Variants in PLEKHG1 observed in about 807,000 individuals in gnomAD.
The protein encoded by PLEKHG1 is pleckstrin homology domain-containing family G member 1.
PLEKHG1 carries 44 observed loss-of-function variants against 100.8 expected under a neutral mutation model. The observed-to-expected ratio is 0.44, with a 90% CI of 0.34 to 0.56. PLEKHG1 has a LOEUF of 0.56. Among genes scored for constraint, PLEKHG1 ranks in the 20% least tolerant of loss-of-function variants. The probability of loss-of-function intolerance (pLI) is 0.01; values close to 1 mark genes in which losing one functional copy is unlikely to be tolerated. For synonymous variants in PLEKHG1, 640 were observed against 662.5 expected, an observed-to-expected ratio of 0.97 and a Z score of 0.52; for missense variants, 1,545 against 1,720.9, an observed-to-expected ratio of 0.90 and a Z score of 1.81.
At chr6:150,743,450 C>T (rs138622589) in intron 2 of PLEKHG1, among the ~76,000 whole-genome samples, 4,124 of 152,162 alleles carry the variant, frequency 0.027, 77 homozygotes, top group Non-Finnish European at 0.041. Context: ...CACTTGAGCC[C>T]GGGAGGTGGA....
intron 5 of PLEKHG1, among the ~76,000 whole-genome samples, chr6:150,800,009 C>T (rs1304496284): frequency 6.6e-6 from 1 of 152,172 alleles, no homozygotes; most frequent in African/African-American, 2.4e-5. Context: ...ATCTGGGTTG[C>T]GGAAAGAATT....
chr6:150,645,783 A>G (rs1311119909), intron 2 of PLEKHG1, among the ~76,000 whole-genome samples: 1 of 152,206 alleles, frequency 6.6e-6, no homozygotes, highest in African/African-American at 2.4e-5. Context: ...ACTCTTATAC[A>G]CTATGGGTGG....
At chr6:150,627,085 C>G (rs182863485) in intron 1 of PLEKHG1, among the ~76,000 whole-genome samples, 51 of 147,038 alleles carry the variant, frequency 3.5e-4, no homozygotes, top group African/African-American at 1.3e-3. Flanking sequence ...GCTCGTGAAC[C>G]CTGTTTCAAG....
chr6:150,723,290 G>T (rs189347725), intron 1 of PLEKHG1, among the ~76,000 whole-genome samples: 1 of 152,192 alleles, frequency 6.6e-6, no homozygotes, highest in Non-Finnish European at 1.5e-5. Flanking sequence ...GACCAAAAGG[G>T]AGTATTAGGA....
intron 2 of PLEKHG1, among the ~76,000 whole-genome samples, chr6:150,757,194 GTTTTACCAT>G: frequency 6.6e-6 from 1 of 152,094 alleles, no homozygotes; most frequent in Non-Finnish European, 1.5e-5. Flanking sequence ...TAGAGACGGG[GTTTTACCAT>G]GTTGGTCAGG....
intron 1 of PLEKHG1, among the ~76,000 whole-genome samples, chr6:150,626,673 G>A (rs1333892943): frequency 1.3e-5 from 2 of 152,154 alleles, no homozygotes. Context: ...CTTTGGGGAG[G>A]TGCGTGTAAA....
chr6:150,841,083 A>T, exon 16 of PLEKHG1: 1 of 696,638 alleles, frequency 1.4e-6, no homozygotes, highest in Non-Finnish European at 2.6e-6. Flanking sequence ...GTACTGTAGC[A>T]CATGTTGGCA....
intron 1 of PLEKHG1, among the ~76,000 whole-genome samples, chr6:150,623,921 A>C (rs1378707511): frequency 6.6e-6 from 1 of 152,210 alleles, no homozygotes; most frequent in African/African-American, 2.4e-5. Context: ...ATGTGTCTTA[A>C]ATCTCCAGTT....
chr6:150,656,843 A>T (rs138676224), intron 3 of PLEKHG1, among the ~76,000 whole-genome samples: 29 of 152,320 alleles, frequency 1.9e-4, no homozygotes, highest in African/African-American at 6.5e-4. Context: ...GGAGGAGCTC[A>T]GAGAAAGACC....
At chr6:150,727,445 T>C (rs1370494717) in intron 1 of PLEKHG1, among the ~76,000 whole-genome samples, 5 of 151,966 alleles carry the variant, frequency 3.3e-5, no homozygotes, top group African/African-American at 1.2e-4. Flanking sequence ...AAGAGAGCAA[T>C]TAAAATAATG....
At chr6:150,763,790 T>C (rs1046852318) in intron 2 of PLEKHG1, among the ~76,000 whole-genome samples, 2 of 152,178 alleles carry the variant, frequency 1.3e-5, no homozygotes, top group Non-Finnish European at 2.9e-5. Flanking sequence ...ATGTACTCAT[T>C]GACTTTAACT....
At chr6:150,802,664 A>ATTTCTTTTTT (rs57482989) in intron 6 of PLEKHG1, among the ~76,000 whole-genome samples, 1 of 143,412 alleles carries the variant, frequency 7.0e-6, no homozygotes, top group African/African-American at 2.6e-5. Context: ...CATTCACATC[A>ATTTCTTTTTT]TTTTTTTTTT....
At chr6:150,764,175 T>G (rs1334158624) in intron 2 of PLEKHG1, among the ~76,000 whole-genome samples, 1 of 150,930 alleles carries the variant, frequency 6.6e-6, no homozygotes, top group Non-Finnish European at 1.5e-5. Flanking sequence ...TGGAGTGCAG[T>G]GGTGCAATCT....
intron 2 of PLEKHG1, among the ~76,000 whole-genome samples, chr6:150,639,577 C>CAGTT (rs1562401482): frequency 6.6e-6 from 1 of 150,776 alleles, no homozygotes; most frequent in Non-Finnish European, 1.5e-5. Context: ...AACAATTTTG[C>CAGTT]AGTTAGTATT....
intron 1 of PLEKHG1, among the ~76,000 whole-genome samples, chr6:150,607,178 A>G (rs1386865289): frequency 4.6e-5 from 7 of 152,134 alleles, no homozygotes; most frequent in African/African-American, 1.4e-4. Flanking sequence ...GGGATGCTGG[A>G]CCATGGTCCA....
intron 3 of PLEKHG1, among the ~76,000 whole-genome samples, chr6:150,667,810 A>G (rs1450086066): frequency 6.6e-6 from 1 of 152,238 alleles, no homozygotes; most frequent in African/African-American, 2.4e-5. Context: ...CTTTAGAACT[A>G]CAAGGGATAG....
chr6:150,665,321 G>A (rs997385502), intron 3 of PLEKHG1, among the ~76,000 whole-genome samples: 1 of 152,188 alleles, frequency 6.6e-6, no homozygotes, highest in Non-Finnish European at 1.5e-5. Flanking sequence ...CTTCCTGCCT[G>A]TATCAAGGCA....
chr6:150,610,795 A>G (rs1391927424), intron 1 of PLEKHG1, among the ~76,000 whole-genome samples: 1 of 152,236 alleles, frequency 6.6e-6, no homozygotes, highest in South Asian at 2.1e-4. Flanking sequence ...TTATAGGTCT[A>G]TAATAAATGT....
At chr6:150,842,937 C>T (rs967015593) in exon 16 of PLEKHG1, 25 of 152,184 alleles carry the variant, frequency 1.6e-4, no homozygotes, top group African/African-American at 5.6e-4. Flanking sequence ...TGGTCTCGAA[C>T]TCCTGATCTC....
Sources: gnomAD v4.1 joint callset for allele counts (sites outside exome capture counted in the v4.1 genomes callset) on GRCh38, gnomAD v4.1.1 for gene constraint, MANE v1.5 for transcripts, NCBI Gene and HGNC (gene_info 2026-07-23, HGNC 2026-07-21) for gene names.